The following OSBPL1A variants were observed in gnomAD, a reference collection of about 807,000 sequenced individuals.
The protein encoded by OSBPL1A is oxysterol binding protein like 1A.
OSBPL1A carries 80 observed loss-of-function variants against 137.1 expected under a neutral mutation model. That is an observed-to-expected ratio of 0.58 (90% CI 0.49 to 0.70). OSBPL1A has a LOEUF of 0.70. Ranked by LOEUF, OSBPL1A falls within the 30% of genes least tolerant of loss-of-function variation. OSBPL1A has a pLI of 0.00. For missense variants in OSBPL1A, 970 were observed against 1,129.4 expected (o/e 0.86, Z 2.02); for synonymous variants, 365 against 389.7 (o/e 0.94, Z 0.75).
At position 24,370,794 on chromosome 18, in the gene OSBPL1A, A is replaced by C. The variant is rs921908480; in HGVS notation, c.122-2422T>G. Among the ~76,000 whole-genome samples the C allele has an allele frequency of 3.9e-5, 6 of 152,224 alleles. 1 individual carries two copies. Among genetic ancestry groups the C allele is most frequent in the Middle Eastern group, 6.8e-3 (2 of 294 alleles). The stretch of plus-strand genomic sequence containing the variant: ...GCAACTCTCCCACCTCAGCCTCCCG[A>C]GTAGCCGGGACCACAGGCATGCGCC... On this transcript the variant is annotated intron_variant, in intron 2 of 27. Coordinates refer to ENST00000319481, the MANE Select transcript of OSBPL1A (RefSeq NM_080597.4).
At chr18:24,324,913 C>T (rs1437596536) in intron 7 of OSBPL1A, among the ~76,000 whole-genome samples, 1 of 151,902 alleles carries the variant, frequency 6.6e-6, no homozygotes, top group Admixed American at 6.6e-5. Flanking sequence ...TGGTGAAACC[C>T]TGTCTCTACT....
intron 14 of OSBPL1A, among the ~76,000 whole-genome samples, chr18:24,288,849 T>G (rs2146083820): frequency 6.6e-6 from 1 of 152,160 alleles, no homozygotes; most frequent in South Asian, 2.1e-4. Flanking sequence ...TGGCCTATTT[T>G]AGCATAATGG....
At chr18:24,255,459 T>C (rs901478713) in intron 15 of OSBPL1A, among the ~76,000 whole-genome samples, 2 of 152,138 alleles carry the variant, frequency 1.3e-5, no homozygotes, top group African/African-American at 4.8e-5. Context: ...CTATTCAAAG[T>C]GTCCCCTCTC....
At chr18:24,393,366 T>C (rs1907496368) in intron 1 of OSBPL1A, among the ~76,000 whole-genome samples, 1 of 152,280 alleles carries the variant, frequency 6.6e-6, no homozygotes, top group South Asian at 2.1e-4. Flanking sequence ...AAAGGCAAAG[T>C]TACTTGCCAA....
intron 1 of OSBPL1A, among the ~76,000 whole-genome samples, chr18:24,383,291 T>A (rs1214114715): frequency 6.6e-6 from 1 of 152,216 alleles, no homozygotes; most frequent in African/African-American, 2.4e-5. Context: ...CACAAAAGGT[T>A]TAATATTCTT....
At chr18:24,225,456 A>T (rs1012504689) in intron 16 of OSBPL1A, among the ~76,000 whole-genome samples, 1 of 152,208 alleles carries the variant, frequency 6.6e-6, no homozygotes, top group African/African-American at 2.4e-5. Context: ...GACATCTCCA[A>T]AGATTACTCA....
intron 5 of OSBPL1A, among the ~76,000 whole-genome samples, chr18:24,341,226 AG>A (rs1025006741): frequency 2.9e-4 from 44 of 152,280 alleles, no homozygotes; most frequent in African/African-American, 9.6e-4. Flanking sequence ...AGACTAGTCT[AG>A]AACTCCTAAC....
intron 18 of OSBPL1A, among the ~76,000 whole-genome samples, chr18:24,193,487 C>CAAA (rs61065111): frequency 0.064 from 5,054 of 78,716 alleles, 328 homozygotes; most frequent in East Asian, 0.42. Context: ...GACTCCGACT[C>CAAA]AAAAAAAAAA....
rs139405195 is a variant in OSBPL1A, at chr18:24,221,051, T to C, written c.1601+3991A>G. ...CCGCCTCAGCCTCCCAAAGTACTAG[T>C]ATTACAAGCATGAGCCACCGTGCCT... On this transcript the variant is annotated intron_variant, in intron 17 of 27. Coordinates refer to ENST00000319481, the MANE Select transcript of OSBPL1A (RefSeq NM_080597.4). 3.4e-3 allele frequency among the ~76,000 whole-genome samples: 523 copies of C among 152,234 alleles called. 4 individuals carry two copies. The highest frequency in any genetic ancestry group is 0.011 in the African/African-American group (475 of 41,546).
intron 16 of OSBPL1A, among the ~76,000 whole-genome samples, chr18:24,225,579 T>TA (rs1233930049): frequency 2.6e-5 from 4 of 152,240 alleles, no homozygotes; most frequent in Non-Finnish European, 4.4e-5. Context: ...AAAACTCATG[T>TA]ATAATGAAAA....
chr18:24,354,669 A>T (rs1568048252), intron 4 of OSBPL1A, among the ~76,000 whole-genome samples: 1 of 151,780 alleles, frequency 6.6e-6, no homozygotes, highest in Non-Finnish European at 1.5e-5. Flanking sequence ...AAGGAAAGAA[A>T]AAAGAAGAAA....
chr18:24,382,182 C>T (rs1186834366), intron 1 of OSBPL1A, among the ~76,000 whole-genome samples: 2 of 145,114 alleles, frequency 1.4e-5, no homozygotes, highest in South Asian at 2.2e-4. Context: ...AAGTGGATCA[C>T]GAGGTCAGGA....
chr18:24,377,163 T>C (rs1259397810), intron 2 of OSBPL1A, among the ~76,000 whole-genome samples: 1 of 152,238 alleles, frequency 6.6e-6, no homozygotes, highest in Non-Finnish European at 1.5e-5. Context: ...GGATGTATCC[T>C]GTGGGCTAGA....
At chr18:24,174,454 T>A (rs950280833) in intron 21 of OSBPL1A, among the ~76,000 whole-genome samples, 2 of 152,234 alleles carry the variant, frequency 1.3e-5, no homozygotes, top group Non-Finnish European at 2.9e-5. Context: ...AAATGGTCAC[T>A]GGAGTATTTC....
chr18:24,198,831 G>A (rs1259845080), intron 17 of OSBPL1A, among the ~76,000 whole-genome samples: 1 of 151,390 alleles, frequency 6.6e-6, no homozygotes, highest in Non-Finnish European at 1.5e-5. Context: ...TCAGGCTCAG[G>A]TGTCACTGTT....
At chr18:24,301,091 A>T (rs1198446279) in intron 14 of OSBPL1A, among the ~76,000 whole-genome samples, 3 of 152,234 alleles carry the variant, frequency 2.0e-5, no homozygotes, top group Non-Finnish European at 1.5e-5. Context: ...CAACTCTCCA[A>T]TTCCATTCAT....
intron 14 of OSBPL1A, among the ~76,000 whole-genome samples, chr18:24,287,423 C>A (rs761663633): frequency 2.0e-5 from 3 of 152,154 alleles, no homozygotes; most frequent in Non-Finnish European, 4.4e-5. Context: ...GAGAGTTTAT[C>A]CATTCTGAGT....
Position 24,179,675 on chromosome 18 carries a change from T to C in OSBPL1A, c.1910+63A>G. 5 of 1,330,734 alleles carry C rather than the reference T, an allele frequency of 3.8e-6. No homozygotes were observed. In the South Asian group the frequency reaches 4.8e-5, roughly 13 times the overall value. The allele number at this position is 1,330,734 out of a possible 1,614,324, so 82.4% of individuals were successfully genotyped here. A position where few individuals can be genotyped will look rare whatever the true frequency, so the allele number is the denominator to read the frequency against. ...TATAATTGTTATTCGTGATGACCAA[T>C]ATGTATGTATTTCTCCTCTTCATCT... On this transcript the variant is annotated intron_variant, in intron 20 of 27. Coordinates refer to ENST00000319481, the MANE Select transcript of OSBPL1A (RefSeq NM_080597.4).
At chr18:24,252,197 G>T (rs2089117313) in intron 15 of OSBPL1A, among the ~76,000 whole-genome samples, 1 of 152,216 alleles carries the variant, frequency 6.6e-6, no homozygotes, top group East Asian at 1.9e-4. Flanking sequence ...TTAAGAAAGA[G>T]ATCAACATTC....
Sources: allele counts gnomAD v4.1 joint callset (sites outside exome capture counted in the v4.1 genomes callset), GRCh38; gene constraint gnomAD v4.1.1; transcripts MANE v1.5; gene names NCBI Gene and HGNC (gene_info 2026-07-23, HGNC 2026-07-21).